CRHR1: variants seen among roughly 807,000 people sequenced by gnomAD.
CRHR1 encodes the protein corticotropin releasing hormone receptor 1.
Under a neutral mutation model 56.0 loss-of-function variants are expected in CRHR1, and 28 were observed. That is an observed-to-expected ratio of 0.50 (90% CI 0.37 to 0.69). The LOEUF is 0.69. Ranked by LOEUF, CRHR1 falls within the 30% of genes least tolerant of loss-of-function variation. The probability of loss-of-function intolerance (pLI) is 0.00; values close to 1 mark genes in which losing one functional copy is unlikely to be tolerated. For synonymous variants in CRHR1, 195 were observed against 216.5 expected, an observed-to-expected ratio of 0.90 and a Z score of 0.87; for missense variants, 376 against 548.0, an observed-to-expected ratio of 0.69 and a Z score of 3.13.
At chr17:45,803,836 G>A (rs1032646681) in intron 1 of CRHR1, among the ~76,000 whole-genome samples, 1 of 152,172 alleles carries the variant, frequency 6.6e-6, no homozygotes, top group Non-Finnish European at 1.5e-5. Context: ...CAGATGTGGG[G>A]TGGGAAACGA....
intron 7 of CRHR1, 54 bp downstream of exon 7, chr17:45,830,624 C>T (rs543089732): frequency 1.9e-6 from 3 of 1,557,766 alleles, no homozygotes; most frequent in Admixed American, 1.8e-5. Context: ...CCGGGCTGCC[C>T]TCTCCTCCAG....
At chr17:45,785,824 CAAAT>C (rs1325210693) in intron 1 of CRHR1, among the ~76,000 whole-genome samples, 2 of 152,136 alleles carry the variant, frequency 1.3e-5, no homozygotes, top group Non-Finnish European at 2.9e-5. Flanking sequence ...TGCCCCTCCC[CAAAT>C]ATTTATAAAT....
chr17:45,811,720 T>C (rs982602919), intron 2 of CRHR1, among the ~76,000 whole-genome samples: 1 of 152,120 alleles, frequency 6.6e-6, no homozygotes, highest in East Asian at 1.9e-4. Flanking sequence ...TCCCCGCAGG[T>C]TTTCTCCCTC....
chr17:45,800,105 C>T (rs1225332930), intron 1 of CRHR1, among the ~76,000 whole-genome samples: 1 of 152,194 alleles, frequency 6.6e-6, no homozygotes, highest in Non-Finnish European at 1.5e-5. Flanking sequence ...CTCATCTTGC[C>T]ATCGTCATGT....
Position 45,821,392 on chromosome 17 carries a change from G to C in CRHR1, c.279G>C (p.Trp93Cys). The C allele has an allele frequency of 6.2e-7, 1 of 1,613,430 alleles. No homozygotes were observed. The highest frequency in any genetic ancestry group is 8.5e-7 in the Non-Finnish European group (1 of 1,180,032). ...GGGAGTGCCTGGCCAATGGCAGCTGGGCCGCCCGCGTGAATTACTCCGAGT... is the reference window on the plus strand; with the variant it reads ...GGGAGTGCCTGGCCAATGGCAGCTGCGCCGCCCGCGTGAATTACTCCGAGT... ...GYRECLANGS[W>C]AARVNYSECQ... Residue 93 changes from tryptophan to cysteine, a missense_variant, in exon 4 of 13, where the codon TGG (tryptophan) becomes TGC (cysteine). Transcript: ENST00000314537.
At chr17:45,797,271 TTTTC>T (rs1203108640) in intron 1 of CRHR1, among the ~76,000 whole-genome samples, 122 of 150,738 alleles carry the variant, frequency 8.1e-4, no homozygotes, top group South Asian at 1.7e-3. Context: ...TGTTTTTTCT[TTTTC>T]TTTCTTTCTT....
At chr17:45,819,436 C>T (rs748162482) in intron 3 of CRHR1, among the ~76,000 whole-genome samples, 3 of 152,066 alleles carry the variant, frequency 2.0e-5, no homozygotes, top group Non-Finnish European at 4.4e-5. Context: ...ACTCAAGAAC[C>T]ACCCCACCCC....
At chr17:45,830,346 G>A in intron 6 of CRHR1, 71 bp from the exon 7 acceptor site, 1 of 1,579,824 alleles carries the variant, frequency 6.3e-7, no homozygotes, top group African/African-American at 1.3e-5. Context: ...CTGCCCTGGG[G>A]AGGCCCAGGC....
intron 5 of CRHR1, 114 bp downstream of exon 5, chr17:45,829,435 C>T: frequency 1.5e-6 from 2 of 1,316,432 alleles, no homozygotes; most frequent in Non-Finnish European, 2.1e-6. Flanking sequence ...GAGAGGGTGG[C>T]AGGGGCTGGC....
chr17:45,802,392 C>G (rs2061639913), intron 1 of CRHR1, among the ~76,000 whole-genome samples: 1 of 152,174 alleles, frequency 6.6e-6, no homozygotes, highest in African/African-American at 2.4e-5. Flanking sequence ...ACTTTGGGGG[C>G]CTGTTCCTGC....
chr17:45,790,809 A>T (rs934415917), intron 1 of CRHR1, among the ~76,000 whole-genome samples: 36 of 152,232 alleles, frequency 2.4e-4, no homozygotes, highest in Non-Finnish European at 4.6e-4. Flanking sequence ...ACTGACCGCT[A>T]TACTTTAGAG....
chr17:45,794,018 C>T (rs1479673596), intron 1 of CRHR1, among the ~76,000 whole-genome samples: 2 of 152,194 alleles, frequency 1.3e-5, no homozygotes, highest in African/African-American at 2.4e-5. Flanking sequence ...ACTCAAGACC[C>T]GCCTCCTCCA....
intron 3 of CRHR1, among the ~76,000 whole-genome samples, chr17:45,817,723 G>C (rs925732230): frequency 6.6e-6 from 1 of 152,220 alleles, no homozygotes; most frequent in Non-Finnish European, 1.5e-5. Flanking sequence ...AGGAGGCTGG[G>C]GCAGCCAGAT....
At position 45,830,949 on chromosome 17, in the gene CRHR1, T is replaced by A; in HGVS notation, c.770+9T>A. On this transcript the variant is annotated intron_variant, in intron 8 of 12. Coordinates refer to ENST00000314537, the MANE Select transcript of CRHR1 (RefSeq NM_004382.5). The stretch of plus-strand genomic sequence containing the variant: ...TACTACGACAATGAGAAGTAAGTCA[T>A]CTCCTTTCCCTTCCTGACCCCAAGG... 10 of 1,613,610 alleles carry A rather than the reference T, an allele frequency of 6.2e-6. No individual in the cohort carries two copies. Among genetic ancestry groups the A allele is most frequent in the Non-Finnish European group, 8.5e-6 (10 of 1,179,734 alleles).
At chr17:45,801,252 C>A (rs750521300) in intron 1 of CRHR1, among the ~76,000 whole-genome samples, 1 of 152,176 alleles carries the variant, frequency 6.6e-6, no homozygotes, top group Non-Finnish European at 1.5e-5. Flanking sequence ...TCTTGACCTG[C>A]GCCTGGCCAG....
chr17:45,825,212 G>T (rs1024815494), intron 4 of CRHR1, among the ~76,000 whole-genome samples: 5 of 152,200 alleles, frequency 3.3e-5, no homozygotes, highest in African/African-American at 4.8e-5. Flanking sequence ...AATGGGACTT[G>T]CAAGGGCACC....
chr17:45,799,588 G>A (rs1210788233), intron 1 of CRHR1: 2 of 152,304 alleles, frequency 1.3e-5, no homozygotes, highest in Non-Finnish European at 2.9e-5. Flanking sequence ...CAGGACCCAG[G>A]ACCTTGGCCA....
chr17:45,827,091 T>G (rs989489856), intron 4 of CRHR1: 3 of 152,120 alleles, frequency 2.0e-5, no homozygotes, highest in African/African-American at 7.2e-5. Flanking sequence ...AATTATTCAG[T>G]CTCTTCTACG....
At chr17:45,799,648 C>G (rs1399327195) in intron 1 of CRHR1, 1 of 152,222 alleles carries the variant, frequency 6.6e-6, no homozygotes, top group Non-Finnish European at 1.5e-5. Flanking sequence ...TCACCAGGTA[C>G]ATCTTCGATC....
Sources: allele counts gnomAD v4.1 joint callset (sites outside exome capture counted in the v4.1 genomes callset), GRCh38; gene constraint gnomAD v4.1.1; transcripts MANE v1.5; gene names NCBI Gene and HGNC (gene_info 2026-07-23, HGNC 2026-07-21).